BEAN1: variants seen among roughly 807,000 people sequenced by gnomAD.
BEAN1 encodes the protein protein BEAN1.
A neutral mutation model predicts 17.7 loss-of-function variants in BEAN1; 17 were observed. The ratio of observed to expected loss-of-function variants is 0.96; its 90% CI spans 0.66 to 1.44. The LOEUF (loss-of-function observed/expected upper bound fraction) is 1.44, where lower values mean the gene tolerates loss of function less well. BEAN1 is among the 40% of genes most tolerant of loss of function. BEAN1 has a pLI of 0.00. For synonymous variants in BEAN1, 142 were observed against 151.8 expected, an observed-to-expected ratio of 0.94 and a Z score of 0.47; for missense variants, 359 against 374.1, an observed-to-expected ratio of 0.96 and a Z score of 0.33.
rs1963555240 is a variant in BEAN1 at position 66,473,282 on chromosome 16, C to T, written c.289+3417C>T. On this transcript the variant is annotated intron_variant, in intron 3 of 4. Coordinates refer to ENST00000536005, the MANE Select transcript of BEAN1 (RefSeq NM_001178020.3). This position sits in a 1 kb window ranked among gnomAD's most constrained non-coding sequence, Gnocchi z 4.5. ...GGGTGGGATGACTGAGGTCACAGCT[C>T]TGCCAAGCGGGGTCAGGCCTTGGCT... Among the ~76,000 whole-genome samples the T allele has an allele frequency of 6.6e-6, 1 of 152,142 alleles. No individual in the cohort carries two copies. The highest frequency in any genetic ancestry group is 2.4e-5 in the African/African-American group (1 of 41,434).
intron 3 of BEAN1, among the ~76,000 whole-genome samples, chr16:66,476,825 ATG>A (rs1963767560): frequency 6.6e-6 from 1 of 152,182 alleles, no homozygotes; most frequent in African/African-American, 2.4e-5. Flanking sequence ...GCACAGTTAA[ATG>A]TGTTTTTTAG....
downstream of BEAN1, among the ~76,000 whole-genome samples, chr16:66,494,901 G>A (rs570611571): frequency 6.6e-6 from 1 of 152,314 alleles, no homozygotes; most frequent in South Asian, 2.1e-4. Flanking sequence ...CCCAACAGAG[G>A]GCATCCTCCT....
chr16:66,434,010 G>A lies in BEAN1; in HGVS notation c.-82-3585G>A, dbSNP rs1254610257. Among the ~76,000 whole-genome samples the A allele has an allele frequency of 6.6e-6, 1 of 152,224 alleles. No individual in the cohort carries two copies. The highest frequency in any genetic ancestry group is 1.5e-5 in the Non-Finnish European group (1 of 68,042). ...CGGAGCGGGGACATGAAGGGGAGTGGGAATGACGTGGACTTGCCACACACC... is the reference window on the plus strand; with the variant it reads ...CGGAGCGGGGACATGAAGGGGAGTGAGAATGACGTGGACTTGCCACACACC... On this transcript the variant is annotated intron_variant, in intron 1 of 4. Coordinates refer to ENST00000536005, the MANE Select transcript of BEAN1 (RefSeq NM_001178020.3). The surrounding 1 kb of genome is among the most constrained non-coding windows in gnomAD (Gnocchi z 4.3).
intron 2 of BEAN1, 122 bp from the exon 3 acceptor site, chr16:66,469,480 C>T: frequency 8.2e-7 from 1 of 1,222,486 alleles, no homozygotes; most frequent in Non-Finnish European, 1.1e-6. Flanking sequence ...AGTCCGTGGG[C>T]CTGAGCCCAG....
chr16:66,438,160 G>A (rs1962104811), intron 2 of BEAN1: 1 of 191,068 alleles, frequency 5.2e-6, no homozygotes, highest in Non-Finnish European at 1.1e-5. Context: ...GAGACAGATG[G>A]AATACCTCAG....
At position 66,480,874 on chromosome 16, in the gene BEAN1, C is replaced by T; in HGVS notation, c.729C>T (p.Gly243=). ...GPDPGPRGSQ[G]SPTPTRAPAS... ...ACCCAGGGCCAAGGGGCTCCCAGGGCTCACCCACCCCAACCCGGGCCCCAG... is the reference window on the plus strand; with the variant it reads ...ACCCAGGGCCAAGGGGCTCCCAGGGTTCACCCACCCCAACCCGGGCCCCAG... Residue 243 remains glycine (G), a synonymous_variant, in exon 5 of 5, where the codon GGC becomes GGT. Coordinates refer to ENST00000536005, the MANE Select transcript of BEAN1 (RefSeq NM_001178020.3). 1 of 1,481,480 alleles carries T rather than the reference C, an allele frequency of 6.8e-7. No individual in the cohort carries two copies. Among genetic ancestry groups the T allele is most frequent in the African/African-American group, 1.4e-5 (1 of 71,328 alleles). 91.8% of individuals were successfully genotyped at this position (1,481,480 alleles called of 1,614,324 possible). A position where few individuals can be genotyped will look rare whatever the true frequency, so the allele number is the denominator to read the frequency against.
intron 1 of BEAN1, among the ~76,000 whole-genome samples, chr16:66,436,260 T>G (rs1379175065): frequency 6.9e-6 from 1 of 144,852 alleles, no homozygotes; most frequent in African/African-American, 2.5e-5. Flanking sequence ...CTACTTTTTT[T>G]CTTTTCTTTT....
chr16:66,475,345 G>T (rs914694994), intron 3 of BEAN1, among the ~76,000 whole-genome samples: 2 of 152,130 alleles, frequency 1.3e-5, no homozygotes, highest in African/African-American at 4.8e-5. Flanking sequence ...CCAAGAAAAA[G>T]CAGCCCAAGA....
At chr16:66,428,076 G>C (rs2142364347) in intron 1 of BEAN1, 1 of 152,492 alleles carries the variant, frequency 6.6e-6, no homozygotes, top group Admixed American at 6.5e-5. Context: ...CCCTTGCGCT[G>C]TCAGAGGGAC....
At chr16:66,458,903 G>A (rs138440425) in intron 2 of BEAN1, among the ~76,000 whole-genome samples, 1 of 152,352 alleles carries the variant, frequency 6.6e-6, no homozygotes, top group Non-Finnish European at 1.5e-5. Flanking sequence ...GCTGGCTTCT[G>A]CCTTGCACAG....
intron 3 of BEAN1, among the ~76,000 whole-genome samples, chr16:66,472,642 T>G (rs1411142653): frequency 3.9e-5 from 6 of 152,122 alleles, no homozygotes; most frequent in Non-Finnish European, 8.8e-5. Context: ...AGGCATAGGT[T>G]ACAGTGAGCC....
Position 66,471,549 on chromosome 16 carries a change from T to G in BEAN1, c.289+1684T>G, listed in dbSNP as rs148065976. The stretch of plus-strand genomic sequence containing the variant: ...GTGGGTGTCACTCAGACCTGGATGT[T>G]GCTCCCCTGGGAAAGCTGTTAGGAG... On this transcript the variant is annotated intron_variant, in intron 3 of 4. Transcript: ENST00000536005. The surrounding 1 kb of genome is among the most constrained non-coding windows in gnomAD (Gnocchi z 4.7). Among the ~76,000 whole-genome samples the G allele has an allele frequency of 7.6e-3, 1,150 of 152,312 alleles. 15 individuals are homozygous for G. The highest frequency in any genetic ancestry group is 0.026 in the African/African-American group (1,070 of 41,574).
chr16:66,493,041 G>C, exon 5 of BEAN1: 2 of 702,994 alleles, frequency 2.8e-6, no homozygotes, highest in Non-Finnish European at 5.2e-6. Flanking sequence ...GGCAGGCTGG[G>C]CTACACGGCC....
At chr16:66,492,147 T>TTC (rs1221402173) in intron 4 of BEAN1, among the ~76,000 whole-genome samples, 1 of 152,156 alleles carries the variant, frequency 6.6e-6, no homozygotes, top group African/African-American at 2.4e-5. Flanking sequence ...GATCAAGCGA[T>TTC]TCTCCTGCCT....
chr16:66,480,736 G>T lies in BEAN1; in HGVS notation c.591G>T (p.Gln197His). 1.3e-6 allele frequency: 2 copies of T among 1,551,634 alleles called. No individual in the cohort carries two copies. ...GCCCTGGCCGACACCAGCAGGAGCA[G>T]AGGACCCCGGCCCAAGGTGGCCTTC... ...GHSPGRHQQE[Q>H]RTPAQGGLHT... Residue 197 changes from glutamine (Q) to histidine (H), a missense_variant, in exon 5 of 5, where the codon CAG (glutamine) becomes CAT (histidine). Gln to His is a conservative substitution (Grantham distance 24). Transcript: ENST00000536005.
intron 3 of BEAN1, among the ~76,000 whole-genome samples, chr16:66,474,314 T>C (rs1963605272): frequency 6.6e-6 from 1 of 151,816 alleles, no homozygotes; most frequent in Non-Finnish European, 1.5e-5. Context: ...CCCAGGCCAC[T>C]GCACTAATGT....
chr16:66,436,266 C>CTTTTTTTT (rs560577711), intron 1 of BEAN1, among the ~76,000 whole-genome samples: 8 of 120,642 alleles, frequency 6.6e-5, no homozygotes, highest in Non-Finnish European at 1.0e-4. Context: ...TTTTTCTTTT[C>CTTTTTTTT]TTTTTTTTTT....
At position 66,493,340 on chromosome 16, in the gene BEAN1, G is replaced by A. The variant is rs1276541964; in HGVS notation, c.526G>A (p.Ala176Thr). The change falls in exon 5 of 5, where the codon GCA becomes ACA. Residue 176 changes from alanine (A) to threonine (T), a missense_variant. Physicochemically the swap from Ala to Thr is moderately conservative, Grantham distance 58. Transcript: ENST00000561796. ...AGGGGTGGGGTCCGAGACGGCCCTG[G>A]CAGAGGGCACTGCTGGCCAGAGATC... 4.4e-6 allele frequency: 3 copies of A among 683,022 alleles called. No homozygotes were observed. The Admixed American group carries it at 6.2e-5, about 14-fold the overall frequency. 42.3% of individuals were successfully genotyped at this position (683,022 alleles called of 1,614,324 possible).
chr16:66,440,536 T>G lies in BEAN1; in HGVS notation c.25+2835T>G, dbSNP rs187324842. 2.0e-4 allele frequency among the ~76,000 whole-genome samples: 31 copies of G among 152,264 alleles called. No homozygotes were observed. In the East Asian group the frequency reaches 5.6e-3, roughly 28 times the overall value. ...GCCTCTCAGACCATCTGACCTTCCATTCGTGGTCTCCTTTGGCAGTGGTGG... is the reference window on the plus strand; with the variant it reads ...GCCTCTCAGACCATCTGACCTTCCAGTCGTGGTCTCCTTTGGCAGTGGTGG... On this transcript the variant is annotated intron_variant, in intron 2 of 4. Transcript: ENST00000536005.
Sources: gnomAD v4.1 joint callset for allele counts (sites outside exome capture counted in the v4.1 genomes callset) on GRCh38, gnomAD v4.1.1 for gene constraint, Gnocchi (gnomAD v3.1) non-coding constraint, MANE v1.5 for transcripts, NCBI Gene and HGNC (gene_info 2026-07-23, HGNC 2026-07-21) for gene names.